ARFGEF2: variants seen among roughly 807,000 people sequenced by gnomAD.
The protein encoded by ARFGEF2 is ARF guanine nucleotide exchange factor 2.
Under a neutral mutation model 219.9 loss-of-function variants are expected in ARFGEF2, and 74 were observed. That is an observed-to-expected ratio of 0.34 (90% CI 0.28 to 0.41). ARFGEF2 has a LOEUF of 0.41. Ranked by LOEUF, ARFGEF2 falls within the 10% of genes least tolerant of loss-of-function variation. The probability of loss-of-function intolerance (pLI) is 1.00; values close to 1 mark genes in which losing one functional copy is unlikely to be tolerated. For missense variants in ARFGEF2, 1,743 were observed against 2,218.3 expected, an observed-to-expected ratio of 0.79 and a Z score of 4.30; for synonymous variants, 733 against 799.2, an observed-to-expected ratio of 0.92 and a Z score of 1.40.
chr20:48,978,744 G>A (rs962055832), intron 14 of ARFGEF2, among the ~76,000 whole-genome samples: 1 of 152,144 alleles, frequency 6.6e-6, no homozygotes, highest in Non-Finnish European at 1.5e-5. Context: ...AATTGTGAAT[G>A]GGAGTTCACT....
chr20:48,963,751 C>T, intron 6 of ARFGEF2, 79 bp from the exon 7 acceptor site: 1 of 1,405,020 alleles, frequency 7.1e-7, no homozygotes, highest in Non-Finnish European at 1.0e-6. Context: ...TGTAACTCCC[C>T]ATAATCTCCT....
Position 48,989,667 on chromosome 20 carries a change from T to C in ARFGEF2, c.2797T>C (p.Cys933Arg), listed in dbSNP as rs2123462274. 6.2e-7 allele frequency: 1 copy of C among 1,614,224 alleles called. No individual in the cohort carries two copies. The highest frequency in any genetic ancestry group is 1.7e-5 in the Admixed American group (1 of 60,026). ...CATCCGATGTGCAATCCGAATCGCC[T>C]GCATCTTTGGAATGCAGGTAGGTGT... ...EGIRCAIRIA[C>R]IFGMQLERDA... The change falls in exon 20 of 39, where the codon TGC (cysteine) becomes CGC (arginine). Residue 933 changes from cysteine (C) to arginine (R), a missense_variant. Physicochemically the swap from Cys to Arg is radical, Grantham distance 180. Coordinates refer to ENST00000371917, the MANE Select transcript of ARFGEF2 (RefSeq NM_006420.3).
intron 13 of ARFGEF2, 139 bp from the exon 14 acceptor site, chr20:48,975,877 G>A: frequency 1.3e-6 from 1 of 774,424 alleles, no homozygotes; most frequent in Admixed American, 2.1e-5. Context: ...TGATACTAAG[G>A]TTTCATGCTT....
In ARFGEF2 at chr20:48,935,105, C is replaced by CTTTTTTT. The variant is rs1482944654; in HGVS notation, c.122-6093_122-6087dup. Among the ~76,000 whole-genome samples, 29 of 151,968 alleles carry CTTTTTTT rather than the reference C, an allele frequency of 1.9e-4. No individual in the cohort carries two copies. The South Asian group carries it at 6.0e-3, about 32-fold the overall frequency. On this transcript the variant is annotated intron_variant, in intron 1 of 38. Transcript: ENST00000371917. ...TTGATTTGCATTTCTCTCTTTTTTT[C>CTTTTTTT]TTTTTTTATTGATCATTCTTGGGTG...
At position 49,022,470 on chromosome 20, in the gene ARFGEF2, G is replaced by T. The variant is rs150122741; in HGVS notation, c.4625-581G>T. Among the ~76,000 whole-genome samples, 491 of 152,152 alleles carry T rather than the reference G, an allele frequency of 3.2e-3. 1 individual carries two copies. Among genetic ancestry groups the T allele is most frequent in the African/African-American group, 0.011 (468 of 41,528 alleles). On this transcript the variant is annotated intron_variant, in intron 34 of 38. Transcript: ENST00000371917. ...ACAAGCTTCTGGCCTCTTCAGAGGG[G>T]CTGGCTACTGCAGGAACCTGAAACG...
At chr20:49,015,706 TC>T (rs2091525589) in intron 30 of ARFGEF2, among the ~76,000 whole-genome samples, 1 of 152,214 alleles carries the variant, frequency 6.6e-6, no homozygotes, top group African/African-American at 2.4e-5. Context: ...TTCCTATTTC[TC>T]CATATTCATT....
At chr20:48,950,677 T>A (rs2091060145) in intron 3 of ARFGEF2, among the ~76,000 whole-genome samples, 1 of 149,784 alleles carries the variant, frequency 6.7e-6, no homozygotes, top group Non-Finnish European at 1.5e-5. Flanking sequence ...GTGCCTGTGG[T>A]CCCAGCTACT....
rs543488296 is a variant in ARFGEF2, at chr20:48,973,520, T to G, written c.1665+236T>G. Among the ~76,000 whole-genome samples the G allele has an allele frequency of 2.6e-5, 4 of 152,078 alleles. No individual in the cohort carries two copies. In the South Asian group the frequency reaches 6.3e-4, roughly 24 times the overall value. On this transcript the variant is annotated intron_variant, in intron 12 of 38. Transcript: ENST00000371917. ...CAGAGAGGAAGTGCTGAAGGTGGGG[T>G]GCTGTAATTCTTAATGGGGCCATTA...
chr20:48,922,108 C>A, intron 1 of ARFGEF2, 98 bp downstream of exon 1: 1 of 1,469,494 alleles, frequency 6.8e-7, no homozygotes, highest in Non-Finnish European at 9.1e-7. Flanking sequence ...GCCTCCGCTT[C>A]CCCCCGATCC....
intron 3 of ARFGEF2, among the ~76,000 whole-genome samples, chr20:48,950,368 TCTC>T (rs776028503): frequency 6.6e-6 from 1 of 152,072 alleles, no homozygotes; most frequent in African/African-American, 2.4e-5. Flanking sequence ...GCTACTTAGT[TCTC>T]CTCCCTCAAG....
At chr20:48,922,157 C>G (rs2090846439) in intron 1 of ARFGEF2, 147 bp downstream of exon 1, 10 of 1,316,826 alleles carry the variant, frequency 7.6e-6, no homozygotes, top group Middle Eastern at 2.7e-4. Flanking sequence ...ATTATACCCC[C>G]GGAGGAAGTG....
At chr20:49,010,106 G>A (rs1334569799) in intron 26 of ARFGEF2, 126 bp from the exon 27 acceptor site, 8 of 1,213,302 alleles carry the variant, frequency 6.6e-6, no homozygotes, top group Non-Finnish European at 9.3e-6. Context: ...ACGGGGCAGA[G>A]CCCAAATGTG....
chr20:48,940,978 A>T (rs1377963675), intron 1 of ARFGEF2, among the ~76,000 whole-genome samples: 9 of 152,228 alleles, frequency 5.9e-5, no homozygotes, highest in Non-Finnish European at 1.0e-4. Context: ...TGAGGGCTAA[A>T]TGAGCTAAAA....
chr20:48,959,390 CCCTT>C (rs1568705103), intron 6 of ARFGEF2, among the ~76,000 whole-genome samples: 1 of 109,842 alleles, frequency 9.1e-6, no homozygotes, highest in Non-Finnish European at 1.9e-5. Flanking sequence ...GATAAGTGAA[CCCTT>C]CCTTCCCTCC....
intron 8 of ARFGEF2, among the ~76,000 whole-genome samples, chr20:48,968,597 A>G (rs1453520933): frequency 3.3e-5 from 5 of 150,624 alleles, no homozygotes; most frequent in African/African-American, 4.9e-5. Flanking sequence ...CCTTACCTGA[A>G]CTGATCTGCC....
intron 31 of ARFGEF2, 117 bp downstream of exon 31, chr20:49,016,532 GGT>G (rs1365685152): frequency 8.4e-7 from 1 of 1,187,968 alleles, no homozygotes; most frequent in Non-Finnish European, 1.2e-6. Context: ...TAATTTAGTT[GGT>G]GAAATGTATA....
intron 20 of ARFGEF2, 38 bp from the exon 21 acceptor site, chr20:48,991,002 T>C (rs200875001): frequency 6.2e-7 from 1 of 1,603,658 alleles, no homozygotes; most frequent in African/African-American, 1.3e-5. Context: ...CACACTAAGG[T>C]TGGAGTCACA....
intron 14 of ARFGEF2, among the ~76,000 whole-genome samples, chr20:48,980,500 A>G (rs562542730): frequency 2.0e-5 from 3 of 152,184 alleles, no homozygotes; most frequent in African/African-American, 4.8e-5. Context: ...TATTAGGTCC[A>G]CTTGGTGCAG....
chr20:48,943,872 C>T (rs2091008790), intron 3 of ARFGEF2, among the ~76,000 whole-genome samples: 1 of 152,208 alleles, frequency 6.6e-6, no homozygotes, highest in Admixed American at 6.5e-5. Flanking sequence ...ATTCTGTATT[C>T]TGATTGCTGT....
Sources: gnomAD v4.1 joint callset for allele counts (sites outside exome capture counted in the v4.1 genomes callset) on GRCh38, gnomAD v4.1.1 for gene constraint, MANE v1.5 for transcripts, NCBI Gene and HGNC (gene_info 2026-07-23, HGNC 2026-07-21) for gene names.